CUL1: variants seen among roughly 807,000 people sequenced by gnomAD.
The protein encoded by CUL1 is cullin-1.
Under a neutral mutation model 118.0 loss-of-function variants are expected in CUL1, and 24 were observed. The ratio of observed to expected loss-of-function variants is 0.20; its 90% CI spans 0.15 to 0.29. The LOEUF (loss-of-function observed/expected upper bound fraction) is 0.29. Ranked by LOEUF, CUL1 falls within the 10% of genes least tolerant of loss-of-function variation. CUL1 has a pLI of 1.00. For synonymous variants in CUL1, 332 were observed against 340.4 expected (o/e 0.98, Z 0.27); for missense variants, 361 against 933.8 (o/e 0.39, Z 7.99).
intron 3 of CUL1, 98 bp downstream of exon 3, chr7:148,754,248 C>A: frequency 1.3e-6 from 1 of 776,252 alleles, no homozygotes; most frequent in Non-Finnish European, 2.0e-6. Flanking sequence ...TCATCTGTTA[C>A]TGTTTTAGAC....
chr7:148,719,203 C>T lies in CUL1; in HGVS notation c.-161-10759C>T, dbSNP rs559029186. On this transcript the variant is annotated intron_variant, in intron 1 of 21. Transcript: ENST00000325222. ...GCGGGCACCTATAGTCCCAGCTACT[C>T]GGGAGGCTGAGGCAGGAGAATGGCG... Among the ~76,000 whole-genome samples, 230 of 151,998 alleles carry T rather than the reference C, an allele frequency of 1.5e-3. 1 individual carries two copies. Among genetic ancestry groups the T allele is most frequent in the African/African-American group, 5.3e-3 (221 of 41,460 alleles).
chr7:148,762,313 A>G (rs1584797998), intron 7 of CUL1, among the ~76,000 whole-genome samples: 1 of 152,202 alleles, frequency 6.6e-6, no homozygotes, highest in Non-Finnish European at 1.5e-5. Context: ...GCATTTTCCT[A>G]TAGGAGATAG....
rs1277553151 is a variant in CUL1, at chr7:148,729,988, C to T, written c.-135C>T. 9 of 996,018 alleles carry T rather than the reference C, an allele frequency of 9.0e-6. No individual in the cohort carries two copies. The highest frequency in any genetic ancestry group is 1.3e-5 in the Non-Finnish European group (9 of 690,670). 61.7% of individuals were successfully genotyped at this position (996,018 alleles called of 1,614,324 possible). A position where few individuals can be genotyped will look rare whatever the true frequency, so the allele number is the denominator to read the frequency against. On this transcript the variant is annotated 5_prime_UTR_variant, in exon 2 of 22. Coordinates refer to ENST00000325222, the MANE Select transcript of CUL1 (RefSeq NM_003592.3). ...TTTGCCTGCAATGAGATTTCATTCT[C>T]TACATTTAAAGGACATCCTTTCTGA...
intron 2 of CUL1, among the ~76,000 whole-genome samples, chr7:148,752,723 G>T (rs937255674): frequency 2.0e-4 from 30 of 152,018 alleles, no homozygotes; most frequent in African/African-American, 7.0e-4. Flanking sequence ...ATCTCAGCTC[G>T]CTGCAAGCTC....
In CUL1 at chr7:148,756,991, A is replaced by C. The variant is rs1799679522; in HGVS notation, c.324A>C (p.Glu108Asp). The C allele has an allele frequency of 6.3e-7, 1 of 1,580,964 alleles. No individual in the cohort carries two copies. The highest frequency in any genetic ancestry group is 8.6e-7 in the Non-Finnish European group (1 of 1,165,936). Reference protein sequence around the residue: ...NYLTNLLKDGEDLMDESVLKF... With the variant: ...NYLTNLLKDGDDLMDESVLKF... ...AGTTAACTTGTTTTTAGGATGGAGA[A>C]GATTTGATGGATGAGAGTGTACTGA... is the stretch of plus-strand genomic sequence containing the variant. Residue 108 changes from glutamate to aspartate, a missense_variant, in exon 4 of 22, where the codon GAA (glutamate) becomes GAC (aspartate). Coordinates refer to ENST00000325222, the MANE Select transcript of CUL1 (RefSeq NM_003592.3).
intron 7 of CUL1, among the ~76,000 whole-genome samples, chr7:148,761,776 TAC>T (rs1799838670): frequency 6.6e-6 from 1 of 152,346 alleles, no homozygotes; most frequent in Non-Finnish European, 1.5e-5. Context: ...GCCTACAGGC[TAC>T]AGTTTGCTGA....
intron 9 of CUL1, among the ~76,000 whole-genome samples, chr7:148,780,761 C>T (rs968392798): frequency 2.6e-5 from 4 of 152,240 alleles, no homozygotes; most frequent in South Asian, 2.1e-4. Context: ...GAAAAGCTCT[C>T]GTGAATACAC....
chr7:148,751,509 T>TGGG (rs1799488838), intron 2 of CUL1, among the ~76,000 whole-genome samples: 1 of 124,320 alleles, frequency 8.0e-6, no homozygotes, highest in Admixed American at 1.0e-4. Flanking sequence ...CACTACAGCC[T>TGGG]GGGAGACAGA....
intron 1 of CUL1, among the ~76,000 whole-genome samples, chr7:148,724,822 AT>A (rs1350157638): frequency 2.0e-5 from 3 of 151,786 alleles, no homozygotes; most frequent in Non-Finnish European, 4.4e-5. Context: ...AAACTACCTG[AT>A]TTCCTAAGTA....
intron 2 of CUL1, among the ~76,000 whole-genome samples, chr7:148,736,108 A>C (rs895140574): frequency 4.0e-5 from 6 of 151,734 alleles, no homozygotes; most frequent in African/African-American, 1.5e-4. Flanking sequence ...TGGGAGGTCG[A>C]GGCTGCAGTG....
At chr7:148,764,958 G>C (rs1799956109) in intron 7 of CUL1, among the ~76,000 whole-genome samples, 2 of 152,154 alleles carry the variant, frequency 1.3e-5, no homozygotes, top group Non-Finnish European at 2.9e-5. Flanking sequence ...TTCATTAACT[G>C]AACATATAAT....
chr7:148,745,286 G>C lies in CUL1; in HGVS notation c.141-8690G>C, dbSNP rs112919248. Among the ~76,000 whole-genome samples the C allele has an allele frequency of 5.9e-5, 9 of 152,118 alleles. 1 individual carries two copies. The highest frequency in any genetic ancestry group is 2.2e-4 in the African/African-American group (9 of 41,488). On this transcript the variant is annotated intron_variant, in intron 2 of 21. Transcript: ENST00000325222. ...TATATCTTTTATTATAACTATAATA[G>C]TTGCTTTAGAGTCTTTGTCTCCTAA...
At position 148,713,420 on chromosome 7, in the gene CUL1, T is replaced by C. The variant is rs566803045; in HGVS notation, c.-162+14391T>C. Among the ~76,000 whole-genome samples the C allele has an allele frequency of 9.2e-5, 14 of 152,340 alleles. No individual in the cohort carries two copies. The East Asian group carries it at 2.7e-3, about 29-fold the overall frequency. On this transcript the variant is annotated intron_variant, in intron 1 of 21. Transcript: ENST00000325222. ...TATACCAGTGACGCTTGTGGCATCT[T>C]ACTTGGAAGTCATGTAGTAAAATAG...
chr7:148,735,630 T>G (rs879798132), intron 2 of CUL1, among the ~76,000 whole-genome samples: 1 of 152,232 alleles, frequency 6.6e-6, no homozygotes, highest in East Asian at 1.9e-4. Context: ...TGGACACTTT[T>G]CATCTTGCAC....
At chr7:148,716,415 C>T (rs1798216746) in intron 1 of CUL1, among the ~76,000 whole-genome samples, 2 of 152,256 alleles carry the variant, frequency 1.3e-5, no homozygotes, top group South Asian at 4.1e-4. Context: ...CATCTGTTGC[C>T]TGCATTCATA....
At chr7:148,705,449 A>G (rs183042232) in intron 1 of CUL1, among the ~76,000 whole-genome samples, 5 of 152,368 alleles carry the variant, frequency 3.3e-5, no homozygotes, top group East Asian at 1.9e-4. Context: ...TGTATGCTAA[A>G]TAGTACAAAT....
intron 1 of CUL1, among the ~76,000 whole-genome samples, chr7:148,709,875 G>A (rs1008984160): frequency 4.6e-5 from 7 of 152,138 alleles, no homozygotes; most frequent in Non-Finnish European, 8.8e-5. Context: ...TTGAGCTTAC[G>A]AGTTCGAGAC....
intron 11 of CUL1, 57 bp from the exon 12 acceptor site, chr7:148,786,494 G>A: frequency 7.7e-7 from 1 of 1,306,068 alleles, no homozygotes; most frequent in South Asian, 1.2e-5. Context: ...CTGGCTAAGT[G>A]GTGCTTGTTT....
intron 2 of CUL1, among the ~76,000 whole-genome samples, chr7:148,752,353 A>G (rs1475901259): frequency 6.6e-6 from 1 of 151,976 alleles, no homozygotes; most frequent in Non-Finnish European, 1.5e-5. Context: ...ATGCAGTAAG[A>G]TCTATCAAAA....
Sources: gnomAD v4.1 joint callset for allele counts (sites outside exome capture counted in the v4.1 genomes callset) on GRCh38, gnomAD v4.1.1 for gene constraint, MANE v1.5 for transcripts, NCBI Gene and HGNC (gene_info 2026-07-23, HGNC 2026-07-21) for gene names.